The following RBFOX1 variants were observed in gnomAD, a reference collection of about 807,000 sequenced individuals.
RBFOX1 encodes RNA binding protein fox-1 homolog 1.
Under a neutral mutation model 57.7 loss-of-function variants are expected in RBFOX1, and 8 were observed. The ratio of observed to expected loss-of-function variants is 0.14; its 90% CI spans 0.08 to 0.25. RBFOX1 has a LOEUF of 0.25. RBFOX1 is among the 10% of genes least tolerant of loss of function. The pLI is 1.00. For missense variants in RBFOX1, 611 were observed against 548.5 expected (o/e 1.11, Z -1.14); for synonymous variants, 326 against 222.4 (o/e 1.47, Z -4.15).
intron 4 of RBFOX1, among the ~76,000 whole-genome samples, chr16:7,495,642 C>G (rs1401452640): frequency 2.6e-5 from 4 of 151,956 alleles, no homozygotes; most frequent in African/African-American, 4.8e-5. Context: ...CTGTTTGTGA[C>G]CTTTGTCCAT....
chr16:6,650,034 G>A (rs2098569701), intron 2 of RBFOX1, among the ~76,000 whole-genome samples: 1 of 152,182 alleles, frequency 6.6e-6, no homozygotes, highest in Non-Finnish European at 1.5e-5. Context: ...GAAGAAGGAA[G>A]TGCAGAGATC....
chr16:5,917,867 C>G lies in RBFOX1; in HGVS notation c.351+50532C>G, dbSNP rs145565446. Reference sequence around the variant, plus strand: ...CCATTGCAGGGTCTAGCCCCTGGTCCCCGTCAGGTTCCTTCCTCCCCTTTC... The same window carrying G: ...CCATTGCAGGGTCTAGCCCCTGGTCGCCGTCAGGTTCCTTCCTCCCCTTTC... On this transcript the variant is annotated intron_variant, in intron 4 of 19. Transcript: ENST00000641259. 6.6e-5 allele frequency among the ~76,000 whole-genome samples: 10 copies of G among 152,208 alleles called. No homozygotes were observed. The East Asian group carries it at 1.7e-3, about 27-fold the overall frequency.
chr16:6,804,288 A>T (rs889979784), intron 3 of RBFOX1, among the ~76,000 whole-genome samples: 1 of 152,146 alleles, frequency 6.6e-6, no homozygotes, highest in African/African-American at 2.4e-5. Context: ...GATTACAGGC[A>T]TGAGCCACCC....
At chr16:7,497,668 A>C (rs1431029353) in intron 4 of RBFOX1, among the ~76,000 whole-genome samples, 1 of 152,218 alleles carries the variant, frequency 6.6e-6, no homozygotes, top group Non-Finnish European at 1.5e-5. Flanking sequence ...ACATAGTCAA[A>C]AACTACATTT....
intron 1 of RBFOX1, among the ~76,000 whole-genome samples, chr16:6,120,400 T>C (rs62015664): frequency 4.5e-4 from 68 of 152,312 alleles, no homozygotes; most frequent in Admixed American, 7.8e-4. Context: ...ATCAGCAATG[T>C]TGGAGGATTC....
chr16:5,642,781 G>T (rs181677788), intron 3 of RBFOX1, among the ~76,000 whole-genome samples: 2 of 152,114 alleles, frequency 1.3e-5, no homozygotes, highest in African/African-American at 4.8e-5. Context: ...CTCTGATGGT[G>T]TTCTCCCCTG....
chr16:6,140,386 AG>A (rs2096706523), intron 1 of RBFOX1, among the ~76,000 whole-genome samples: 1 of 151,842 alleles, frequency 6.6e-6, no homozygotes, highest in African/African-American at 2.4e-5. Context: ...TGTAGACACG[AG>A]GTCTTGCTGT....
chr16:7,308,413 T>C (rs1421148989), intron 4 of RBFOX1, among the ~76,000 whole-genome samples: 6 of 152,022 alleles, frequency 3.9e-5, no homozygotes, highest in South Asian at 2.1e-4. Context: ...AGAAAGCTTC[T>C]TATCTGTCAA....
intron 1 of RBFOX1, chr16:5,270,940 C>G (rs2062988833): frequency 2.6e-6 from 1 of 379,272 alleles, no homozygotes; most frequent in South Asian, 2.3e-5. Flanking sequence ...ACCACTAGTC[C>G]AAGAATCTGT....
intron 4 of RBFOX1, among the ~76,000 whole-genome samples, chr16:7,214,103 T>C (rs368446888): frequency 2.1e-3 from 319 of 152,238 alleles, no homozygotes; most frequent in African/African-American, 7.4e-3. Flanking sequence ...TCCACTTCTT[T>C]CCCCTGCTAC....
chr16:7,166,972 C>CTTTTTTTTTTTGTTTTTTTTTTTT, intron 4 of RBFOX1, among the ~76,000 whole-genome samples: 1 of 49,098 alleles, frequency 2.0e-5, no homozygotes, highest in Non-Finnish European at 3.4e-5. Context: ...CATTGGTGTT[C>CTTTTTTTTTTTGTTTTTTTTTTTT]TTTTTTTTTT....
In RBFOX1 at chr16:6,136,477, C is replaced by T. The variant is rs1024218439; in HGVS notation, c.-127+116485C>T. On this transcript the variant is annotated intron_variant, in intron 1 of 15. Coordinates refer to ENST00000550418, the MANE Select transcript of RBFOX1 (RefSeq NM_018723.4). ...GGAGAATTGCGGTGATAAGGGCTTA[C>T]GCTTCATTTTTTATGCTGTCTCTTT... is the stretch of plus-strand genomic sequence containing the variant. Among the ~76,000 whole-genome samples, 14 of 152,208 alleles carry T rather than the reference C, an allele frequency of 9.2e-5. No homozygotes were observed. The South Asian group carries it at 1.2e-3, about 14-fold the overall frequency.
intron 3 of RBFOX1, among the ~76,000 whole-genome samples, chr16:6,836,544 C>A (rs979980595): frequency 6.6e-6 from 1 of 152,188 alleles, no homozygotes; most frequent in African/African-American, 2.4e-5. Flanking sequence ...ACGAATGACA[C>A]CTTCAAATGG....
chr16:5,971,551 A>T (rs1031963710), intron 4 of RBFOX1, among the ~76,000 whole-genome samples: 1 of 152,220 alleles, frequency 6.6e-6, no homozygotes, highest in Non-Finnish European at 1.5e-5. Flanking sequence ...TTGGGGCAGC[A>T]TCATAAGTTA....
intron 2 of RBFOX1, among the ~76,000 whole-genome samples, chr16:6,564,857 G>A (rs1031157752): frequency 1.3e-5 from 2 of 152,162 alleles, no homozygotes; most frequent in African/African-American, 4.8e-5. Context: ...TAAAGCATTT[G>A]CGGCTGGGCA....
chr16:5,918,206 G>A (rs2058749717), intron 4 of RBFOX1, among the ~76,000 whole-genome samples: 1 of 152,112 alleles, frequency 6.6e-6, no homozygotes, highest in Non-Finnish European at 1.5e-5. Context: ...TGCAACCTCT[G>A]CCTCCCAGGT....
chr16:6,792,370 T>C (rs1209352653), intron 3 of RBFOX1, among the ~76,000 whole-genome samples: 1 of 152,226 alleles, frequency 6.6e-6, no homozygotes, highest in African/African-American at 2.4e-5. Flanking sequence ...TATAATTGCA[T>C]ATCTTTATGC....
chr16:6,924,657 T>C (rs558543031), intron 3 of RBFOX1, among the ~76,000 whole-genome samples: 6 of 150,420 alleles, frequency 4.0e-5, no homozygotes, highest in Non-Finnish European at 6.0e-5. Context: ...TGATAAAATA[T>C]TTCTACCTTT....
intron 1 of RBFOX1, among the ~76,000 whole-genome samples, chr16:6,266,911 G>A (rs1052309901): frequency 5.3e-5 from 8 of 152,158 alleles, no homozygotes; most frequent in African/African-American, 1.9e-4. Flanking sequence ...ATTCGCTTCT[G>A]AATTCCATAC....
Sources: allele counts gnomAD v4.1 joint callset (sites outside exome capture counted in the v4.1 genomes callset), GRCh38; gene constraint gnomAD v4.1.1; transcripts MANE v1.5; gene names NCBI Gene and HGNC (gene_info 2026-07-23, HGNC 2026-07-21).